Variants in TBCD observed in about 807,000 individuals in gnomAD.
TBCD encodes the protein tubulin-specific chaperone D.
Under a neutral mutation model 169.3 loss-of-function variants are expected in TBCD, and 105 were observed. That is an observed-to-expected ratio of 0.62 (90% CI 0.53 to 0.73). The LOEUF (loss-of-function observed/expected upper bound fraction) is 0.73. TBCD is among the 30% of genes least tolerant of loss of function. TBCD has a pLI of 0.00. For synonymous variants in TBCD, 700 were observed against 643.9 expected, an observed-to-expected ratio of 1.09 and a Z score of -1.32; for missense variants, 1,444 against 1,600.1, an observed-to-expected ratio of 0.90 and a Z score of 1.66.
At chr17:82,755,558 G>T (rs1001127509) in intron 1 of TBCD, among the ~76,000 whole-genome samples, 6 of 152,164 alleles carry the variant, frequency 3.9e-5, no homozygotes, top group African/African-American at 1.2e-4. Flanking sequence ...CGGTTTTAAT[G>T]CTAATACTGA....
Position 82,789,478 on chromosome 17 carries a change from A to C in TBCD, c.771+7757A>C. Among the ~76,000 whole-genome samples, 1 of 152,172 alleles carries C rather than the reference A, an allele frequency of 6.6e-6. No individual in the cohort carries two copies. The highest frequency in any genetic ancestry group is 1.9e-4 in the East Asian group (1 of 5,180). On this transcript the variant is annotated intron_variant, in intron 7 of 38. Transcript: ENST00000355528. The surrounding 1 kb of genome is among the most constrained non-coding windows in gnomAD (Gnocchi z 4.8). ...CCCGCTCAGTTCTTAGATGAGGAAG[A>C]GACAGGCAGAGAGCTGGGCTGGGCT...
chr17:82,901,457 T>C (rs933927213), intron 18 of TBCD, among the ~76,000 whole-genome samples: 15 of 148,200 alleles, frequency 1.0e-4, no homozygotes, highest in African/African-American at 3.4e-4. Flanking sequence ...CGTTTGCTGC[T>C]GCCTGGGGAG....
intron 13 of TBCD, among the ~76,000 whole-genome samples, chr17:82,816,350 A>C (rs1042143045): frequency 1.3e-5 from 2 of 152,204 alleles, no homozygotes; most frequent in Admixed American, 6.5e-5. Context: ...TGCTGCCATG[A>C]ACATCGTGTA....
chr17:82,938,309 G>A (rs968450105), intron 36 of TBCD, among the ~76,000 whole-genome samples, 173 bp downstream of exon 36: 1 of 152,228 alleles, frequency 6.6e-6, no homozygotes, highest in African/African-American at 2.4e-5. Context: ...GGCTCTGGAC[G>A]CCACTGTTCT....
At chr17:82,906,442 C>T (rs1285158439) in intron 20 of TBCD, among the ~76,000 whole-genome samples, 1 of 152,250 alleles carries the variant, frequency 6.6e-6, no homozygotes, top group Non-Finnish European at 1.5e-5. Context: ...CTTTCTTCAT[C>T]ACGTTCCATA....
intron 14 of TBCD, among the ~76,000 whole-genome samples, chr17:82,879,403 T>C (rs1219847555): frequency 6.6e-6 from 1 of 152,186 alleles, no homozygotes; most frequent in Non-Finnish European, 1.5e-5. Context: ...TCTGCCGTCA[T>C]GCATCTGACG....
In TBCD at chr17:82,915,525, A is replaced by G. The variant is rs770809747; in HGVS notation, c.2038+3736A>G. 1.3e-4 allele frequency among the ~76,000 whole-genome samples: 20 copies of G among 152,296 alleles called. No individual in the cohort carries two copies. The highest frequency in any genetic ancestry group is 3.4e-3 in the Middle Eastern group (1 of 294). Reference sequence around the variant, plus strand: ...CAGTGGCTCTTGCATTTCATGCTTTAGAATCAAAGGAAAGAAACAGGAACT... The same window carrying G: ...CAGTGGCTCTTGCATTTCATGCTTTGGAATCAAAGGAAAGAAACAGGAACT... On this transcript the variant is annotated intron_variant, in intron 23 of 38. Coordinates refer to ENST00000355528, the MANE Select transcript of TBCD (RefSeq NM_005993.5). The surrounding 1 kb of genome is among the most constrained non-coding windows in gnomAD (Gnocchi z 4.3).
At chr17:82,905,892 CA>C (rs1353157582) in intron 19 of TBCD, 43 bp from the exon 20 acceptor site, 2 of 1,501,970 alleles carry the variant, frequency 1.3e-6, no homozygotes, top group Non-Finnish European at 1.8e-6. Flanking sequence ...AGGCCGTCCA[CA>C]TGTACACACC....
chr17:82,872,009 C>T (rs192409301), intron 14 of TBCD, among the ~76,000 whole-genome samples: 3 of 152,312 alleles, frequency 2.0e-5, no homozygotes, highest in African/African-American at 7.2e-5. Context: ...TTCTCTTGTT[C>T]CTGCCCACTG....
At chr17:82,815,177 C>G (rs2051778197) in intron 13 of TBCD, among the ~76,000 whole-genome samples, 1 of 152,240 alleles carries the variant, frequency 6.6e-6, no homozygotes, top group East Asian at 1.9e-4. Flanking sequence ...TCGCATTGGC[C>G]TTTGTAATTT....
chr17:82,936,387 C>A (rs1394539920), intron 34 of TBCD, among the ~76,000 whole-genome samples: 2 of 151,986 alleles, frequency 1.3e-5, no homozygotes, highest in African/African-American at 4.8e-5. Flanking sequence ...TGCGGCCCTT[C>A]CTTCCGTGCC....
chr17:82,774,340 CAT>C (rs2048455557), intron 6 of TBCD, among the ~76,000 whole-genome samples: 1 of 152,168 alleles, frequency 6.6e-6, no homozygotes, highest in Non-Finnish European at 1.5e-5. Flanking sequence ...GGACACAGCA[CAT>C]GTTTCAGAGA....
Position 82,884,552 on chromosome 17 carries a change from G to A in TBCD, c.1533+350G>A, listed in dbSNP as rs1180296162. Among the ~76,000 whole-genome samples the A allele has an allele frequency of 6.6e-6, 1 of 152,196 alleles. No homozygotes were observed. Among genetic ancestry groups the A allele is most frequent in the African/African-American group, 2.4e-5 (1 of 41,438 alleles). On this transcript the variant is annotated intron_variant, in intron 15 of 38. Transcript: ENST00000355528. The surrounding 1 kb of genome is among the most constrained non-coding windows in gnomAD (Gnocchi z 4.2). ...TGGGTTCTGCGAGGGTGGCCAGAATGTGGCGGCGGGACGGGTCACTCACCG... is the reference window on the plus strand; with the variant it reads ...TGGGTTCTGCGAGGGTGGCCAGAATATGGCGGCGGGACGGGTCACTCACCG...
intron 9 of TBCD, among the ~76,000 whole-genome samples, chr17:82,802,630 G>A (rs1329890534): frequency 1.3e-5 from 2 of 152,248 alleles, no homozygotes; most frequent in African/African-American, 2.4e-5. Flanking sequence ...GACAGAACAA[G>A]TCCAGTTGAG....
chr17:82,855,602 C>T (rs1453973683), intron 13 of TBCD, among the ~76,000 whole-genome samples: 1 of 152,090 alleles, frequency 6.6e-6, no homozygotes, highest in South Asian at 2.1e-4. Context: ...TTCTCTCTTT[C>T]TGTGTGTATT....
intron 23 of TBCD, chr17:82,914,093 C>G (rs76454932): frequency 0.1 from 15,286 of 152,518 alleles, 1,060 homozygotes; most frequent in South Asian, 0.29. Flanking sequence ...CCACCACACC[C>G]ACTGCTCCCC....
intron 13 of TBCD, among the ~76,000 whole-genome samples, chr17:82,828,005 A>T (rs2053044949): frequency 6.7e-6 from 1 of 150,074 alleles, no homozygotes; most frequent in South Asian, 2.1e-4. Flanking sequence ...ACGCACACAC[A>T]CCTGCAGATA....
At chr17:82,802,626 A>C (rs941403606) in intron 9 of TBCD, among the ~76,000 whole-genome samples, 13 of 152,234 alleles carry the variant, frequency 8.5e-5, no homozygotes, top group South Asian at 2.1e-4. Context: ...TGAAGACAGA[A>C]CAAGTCCAGT....
chr17:82,900,242 A>G (rs1386107246), intron 17 of TBCD, among the ~76,000 whole-genome samples: 1 of 152,136 alleles, frequency 6.6e-6, no homozygotes, highest in South Asian at 2.1e-4. Context: ...GTGGGTGTAG[A>G]TGAGTTTTTT....
Sources: allele counts gnomAD v4.1 joint callset (sites outside exome capture counted in the v4.1 genomes callset), GRCh38; gene constraint gnomAD v4.1.1; non-coding constraint Gnocchi (gnomAD v3.1); transcripts MANE v1.5; gene names NCBI Gene and HGNC (gene_info 2026-07-23, HGNC 2026-07-21).